Variants in LGR6 observed in about 807,000 individuals in gnomAD.
LGR6 encodes leucine rich repeat containing G protein-coupled receptor 6.
LGR6 carries 45 observed loss-of-function variants against 69.4 expected under a neutral mutation model. The observed-to-expected ratio is 0.65, with a 90% CI of 0.51 to 0.83. The LOEUF (loss-of-function observed/expected upper bound fraction) is 0.83. Among genes scored for constraint, LGR6 ranks in the 40% least tolerant of loss-of-function variants. The pLI, the probability that LGR6 is intolerant of heterozygous loss-of-function variation, is 0.00. For missense variants in LGR6, 1,108 were observed against 1,246.7 expected (o/e 0.89, Z 1.68); for synonymous variants, 538 against 555.0 (o/e 0.97, Z 0.43).
At position 202,274,426 on chromosome 1, in the gene LGR6, T is replaced by C. The variant is rs1041817008; in HGVS notation, c.429-1880T>C. Among the ~76,000 whole-genome samples the C allele has an allele frequency of 2.6e-5, 4 of 152,112 alleles. No individual in the cohort carries two copies. The East Asian group carries it at 7.7e-4, about 29-fold the overall frequency. ...TATGATCAAATCTAAGAACGAGGGCTCCCAGGACCAGCTGAGCACTAACCA... is the reference window on the plus strand; with the variant it reads ...TATGATCAAATCTAAGAACGAGGGCCCCCAGGACCAGCTGAGCACTAACCA... On this transcript the variant is annotated intron_variant, in intron 4 of 17. Coordinates refer to ENST00000367278, the MANE Select transcript of LGR6 (RefSeq NM_001017403.2).
At chr1:202,227,605 G>A (rs1185838809) in intron 2 of LGR6, among the ~76,000 whole-genome samples, 1 of 152,176 alleles carries the variant, frequency 6.6e-6, no homozygotes, top group Non-Finnish European at 1.5e-5. Flanking sequence ...AGGATGTGGG[G>A]AAACTGTGGC....
rs1211607467 is a variant in LGR6, at chr1:202,318,692, A to G, written c.2389A>G (p.Met797Val). The part of the protein sequence containing the change: ...CPVAFLSFAS[M>V]LGLFPVTPEA... ...CGTGGCCTTCCTCAGCTTTGCCTCCATGCTGGGCCTCTTCCCTGTCACGCC... is the reference window on the plus strand; with the variant it reads ...CGTGGCCTTCCTCAGCTTTGCCTCCGTGCTGGGCCTCTTCCCTGTCACGCC... The change falls in exon 18 of 18, where the codon ATG (methionine) becomes GTG (valine). Residue 797 changes from methionine (M) to valine (V), a missense_variant. By Grantham distance (21) the Met-to-Val change is conservative. Coordinates refer to ENST00000367278, the MANE Select transcript of LGR6 (RefSeq NM_001017403.2). 2 of 1,613,350 alleles carry G rather than the reference A, an allele frequency of 1.2e-6. No individual in the cohort carries two copies. Among genetic ancestry groups the G allele is most frequent in the Non-Finnish European group, 8.5e-7 (1 of 1,179,992 alleles).
chr1:202,205,849 A>AAC (rs10624469), intron 1 of LGR6, among the ~76,000 whole-genome samples: 97,821 of 146,340 alleles, frequency 0.67, 32,817 homozygotes, highest in South Asian at 0.88. Flanking sequence ...ACCTCCTTCA[A>AAC]ACACACACCT....
chr1:202,204,360 ACACACACACACCTC>A (rs1334079734), intron 1 of LGR6, among the ~76,000 whole-genome samples: 13 of 106,394 alleles, frequency 1.2e-4, no homozygotes, highest in South Asian at 3.4e-4. Context: ...ACACACCTCC[ACACACACACACCTC>A]CACACACACA....
intron 1 of LGR6, among the ~76,000 whole-genome samples, chr1:202,204,671 G>T (rs111205722): frequency 1.4e-3 from 4 of 2,920 alleles, no homozygotes; most frequent in Admixed American, 3.5e-3. Context: ...ACACACACAC[G>T]CCTCCAAACA....
At chr1:202,275,826 G>A (rs1558055384) in intron 4 of LGR6, among the ~76,000 whole-genome samples, 1 of 152,148 alleles carries the variant, frequency 6.6e-6, no homozygotes, top group South Asian at 2.1e-4. Context: ...AGTTAGCAAG[G>A]TCGAGGTCAC....
intron 1 of LGR6, chr1:202,203,849 T>A: frequency 6.2e-7 from 1 of 1,613,618 alleles, no homozygotes; most frequent in Non-Finnish European, 8.5e-7. Context: ...CACTTGTTTG[T>A]CAAGTGTCAA....
chr1:202,239,096 G>T (rs1661907557), intron 4 of LGR6, among the ~76,000 whole-genome samples: 1 of 152,118 alleles, frequency 6.6e-6, no homozygotes, highest in South Asian at 2.1e-4. Context: ...TACCCGGATG[G>T]CCTCTTTCTC....
chr1:202,270,627 G>A (rs181592560), intron 4 of LGR6, among the ~76,000 whole-genome samples: 4 of 152,324 alleles, frequency 2.6e-5, no homozygotes, highest in African/African-American at 4.8e-5. Flanking sequence ...CATATGAGAC[G>A]AGTGAGGCTG....
chr1:202,253,974 T>A (rs1298932700), intron 4 of LGR6, among the ~76,000 whole-genome samples: 1 of 150,230 alleles, frequency 6.7e-6, no homozygotes, highest in Non-Finnish European at 1.5e-5. Flanking sequence ...CCCGGCTAAT[T>A]TTTTGTATTT....
chr1:202,272,821 C>T (rs1444329189), intron 4 of LGR6, among the ~76,000 whole-genome samples: 1 of 152,232 alleles, frequency 6.6e-6, no homozygotes, highest in African/African-American at 2.4e-5. Context: ...CCAAGTGCCC[C>T]CTGAGCTCAC....
chr1:202,253,912 T>G (rs1021402809), intron 4 of LGR6, among the ~76,000 whole-genome samples: 6 of 142,316 alleles, frequency 4.2e-5, no homozygotes, highest in Non-Finnish European at 7.7e-5. Flanking sequence ...TTCACGCCAT[T>G]CTCCTGCCTC....
chr1:202,299,565 T>C (rs1320879977), intron 7 of LGR6, among the ~76,000 whole-genome samples: 1 of 152,212 alleles, frequency 6.6e-6, no homozygotes, highest in African/African-American at 2.4e-5. Flanking sequence ...ACAGGGCCCC[T>C]GTCTTAGAAA....
Position 202,304,644 on chromosome 1 carries a change from A to T in LGR6, c.1070+14A>T. On this transcript the variant is annotated intron_variant, in intron 11 of 17. Coordinates refer to ENST00000367278, the MANE Select transcript of LGR6 (RefSeq NM_001017403.2). ...GCTCCGAGTCCTGTGAGTGCTCACAAGAATTCTACAGTCTTGGCATTGTGC... is the reference window on the plus strand; with the variant it reads ...GCTCCGAGTCCTGTGAGTGCTCACATGAATTCTACAGTCTTGGCATTGTGC... 8 of 1,599,550 alleles carry T rather than the reference A, an allele frequency of 5.0e-6. No individual in the cohort carries two copies. Among genetic ancestry groups the T allele is most frequent in the Non-Finnish European group, 6.8e-6 (8 of 1,168,062 alleles).
chr1:202,228,515 C>T (rs1660747839), intron 3 of LGR6, among the ~76,000 whole-genome samples: 1 of 152,220 alleles, frequency 6.6e-6, no homozygotes, highest in Non-Finnish European at 1.5e-5. Context: ...CCTCCCTGCT[C>T]CTCCTTTACC....
chr1:202,201,988 C>G (rs1308764529), intron 1 of LGR6, among the ~76,000 whole-genome samples: 1 of 152,182 alleles, frequency 6.6e-6, no homozygotes, highest in Non-Finnish European at 1.5e-5. Flanking sequence ...AGTGAACTCA[C>G]TGTATCAGAT....
chr1:202,276,134 C>T, intron 4 of LGR6, 172 bp from the exon 5 acceptor site: 1 of 588,434 alleles, frequency 1.7e-6, no homozygotes. Context: ...GGAATGGAGC[C>T]AAATATGGGA....
At chr1:202,250,270 C>A (rs1000032040) in intron 4 of LGR6, among the ~76,000 whole-genome samples, 4 of 152,186 alleles carry the variant, frequency 2.6e-5, no homozygotes, top group Admixed American at 6.5e-5. Flanking sequence ...CTGTGCTGCA[C>A]TCCCAGAACA....
chr1:202,296,961 T>C (rs1417827846), intron 6 of LGR6, among the ~76,000 whole-genome samples: 1 of 152,098 alleles, frequency 6.6e-6, no homozygotes, highest in African/African-American at 2.4e-5. Context: ...ATACATGTGA[T>C]ATATGCTCAT....
Sources: allele counts gnomAD v4.1 joint callset (sites outside exome capture counted in the v4.1 genomes callset), GRCh38; gene constraint gnomAD v4.1.1; transcripts MANE v1.5; gene names NCBI Gene and HGNC (gene_info 2026-07-23, HGNC 2026-07-21).